ARAP2: variants seen among roughly 807,000 people sequenced by gnomAD.
ARAP2 encodes ArfGAP with RhoGAP domain, ankyrin repeat and PH domain 2, also known as arf-GAP with Rho-GAP domain, ANK repeat and PH domain-containing protein 2.
A neutral mutation model predicts 194.5 loss-of-function variants in ARAP2; 148 were observed. That is an observed-to-expected ratio of 0.76 (90% CI 0.67 to 0.87). The LOEUF is 0.87. ARAP2 is among the 40% of genes least tolerant of loss of function. ARAP2 has a pLI of 0.00. For missense variants in ARAP2, 2,128 were observed against 1,989.7 expected (o/e 1.07, Z -1.32); for synonymous variants, 695 against 683.5 (o/e 1.02, Z -0.26).
At chr4:36,232,479 C>T (rs1207057895) in intron 1 of ARAP2, among the ~76,000 whole-genome samples, 1 of 152,176 alleles carries the variant, frequency 6.6e-6, no homozygotes, top group Non-Finnish European at 1.5e-5. Context: ...TGTCAGACAC[C>T]ATGCTCATAT....
rs575278233 is a variant in ARAP2 at position 36,179,704 on chromosome 4, T to A, written c.1679-1699A>T. ...AGGAGGAAGAGAAAGCAGAGCCCAG[T>A]TTGGGAAATGGGACAGTTTCTCAGA... On this transcript the variant is annotated intron_variant, in intron 8 of 32. Transcript: ENST00000303965. Among the ~76,000 whole-genome samples, 32 of 152,260 alleles carry A rather than the reference T, an allele frequency of 2.1e-4. 2 individuals are homozygous for A. In the South Asian group the frequency reaches 6.6e-3, roughly 32 times the overall value.
At position 36,124,870 on chromosome 4, in the gene ARAP2, G is replaced by T; in HGVS notation, c.3738C>A (p.His1246Gln). 3 of 1,603,054 alleles carry T rather than the reference G, an allele frequency of 1.9e-6. No individual in the cohort carries two copies. The highest frequency in any genetic ancestry group is 2.6e-6 in the Non-Finnish European group (3 of 1,171,778). ...TTCATTCATCTACCCACCTATACAGGTGTTCAATGATAGCTGCTAGTGTTG... is the reference window on the plus strand; with the variant it reads ...TTCATTCATCTACCCACCTATACAGTTGTTCAATGATAGCTGCTAGTGTTG... ...NRATLAAIIE[H>Q]LYRVQKCSEI... Residue 1246 changes from histidine to glutamine, a missense_variant, in exon 22 of 33, where the codon CAC (histidine) becomes CAA (glutamine). Transcript: ENST00000303965.
At chr4:36,096,229 G>A (rs1715180180) in intron 27 of ARAP2, among the ~76,000 whole-genome samples, 2 of 151,800 alleles carry the variant, frequency 1.3e-5, no homozygotes, top group Non-Finnish European at 1.5e-5. Flanking sequence ...GCCAGGCGTG[G>A]TGGTGTGCCA....
intron 11 of ARAP2, 95 bp from the exon 12 acceptor site, chr4:36,161,645 G>A (rs1733983634): frequency 1.8e-5 from 17 of 955,774 alleles, no homozygotes; most frequent in Non-Finnish European, 2.3e-5. Context: ...GTGTATGTTC[G>A]TTGCGTATCT....
rs75664767 is a variant in ARAP2, at chr4:36,233,164, T to A, written c.-159-3519A>T. On this transcript the variant is annotated intron_variant, in intron 1 of 32. Transcript: ENST00000303965. The stretch of plus-strand genomic sequence containing the variant: ...CTGAACACCCAAGAGTGTTCACAGA[T>A]CCAATTCTTAGATGCTCTAGCCCCA... Among the ~76,000 whole-genome samples the A allele has an allele frequency of 6.5e-3, 995 of 152,300 alleles. 12 individuals are homozygous for A. The highest frequency in any genetic ancestry group is 0.023 in the African/African-American group (945 of 41,558).
At chr4:36,090,951 C>T (rs1490609314) in intron 28 of ARAP2, among the ~76,000 whole-genome samples, 1 of 152,086 alleles carries the variant, frequency 6.6e-6, no homozygotes, top group African/African-American at 2.4e-5. Context: ...TAACCTGTCG[C>T]AGTCTTATAA....
chr4:36,169,540 T>C (rs1158005729), intron 9 of ARAP2, among the ~76,000 whole-genome samples: 1 of 151,886 alleles, frequency 6.6e-6, no homozygotes, highest in Non-Finnish European at 1.5e-5. Context: ...GACTTTTTTT[T>C]TTTTTTTTTT....
intron 5 of ARAP2, among the ~76,000 whole-genome samples, chr4:36,023,456 A>C (rs1473789266): frequency 1.3e-5 from 2 of 151,926 alleles, no homozygotes; most frequent in Non-Finnish European, 2.9e-5. Flanking sequence ...TAATGCTCAG[A>C]CTCCCTTTCA....
At chr4:36,172,893 C>T (rs745603551) in intron 9 of ARAP2, among the ~76,000 whole-genome samples, 2 of 152,164 alleles carry the variant, frequency 1.3e-5, no homozygotes, top group African/African-American at 2.4e-5. Flanking sequence ...CCACCACCTC[C>T]ATCCTGCTGC....
chr4:36,130,116 C>T (rs1452777796), intron 20 of ARAP2, among the ~76,000 whole-genome samples: 1 of 151,916 alleles, frequency 6.6e-6, no homozygotes, highest in East Asian at 1.9e-4. Context: ...CCTTTCCATC[C>T]CATATGCTAT....
intron 9 of ARAP2, among the ~76,000 whole-genome samples, chr4:36,009,740 C>T (rs10010285): frequency 0.67 from 102,440 of 151,850 alleles, 34,731 homozygotes; most frequent in Admixed American, 0.77. Context: ...GGTACCTTCT[C>T]ATTTCACTGA....
At chr4:36,022,870 C>A (rs1717246413) in intron 5 of ARAP2, among the ~76,000 whole-genome samples, 1 of 152,090 alleles carries the variant, frequency 6.6e-6, no homozygotes, top group African/African-American at 2.4e-5. Context: ...AAACTTAGAA[C>A]CTGTGAGTTC....
chr4:36,228,246 G>A lies in ARAP2; in HGVS notation c.905+336C>T, dbSNP rs888598861. ...ACAAATCATCTATTGGGGAGAGAGA[G>A]TCAACATTTCAAATATGAGAACTGC... On this transcript the variant is annotated intron_variant, in intron 2 of 32. Coordinates refer to ENST00000303965, the MANE Select transcript of ARAP2 (RefSeq NM_015230.4). Among the ~76,000 whole-genome samples, 23 of 152,260 alleles carry A rather than the reference G, an allele frequency of 1.5e-4. No individual in the cohort carries two copies. In the East Asian group the frequency reaches 2.7e-3, roughly 18 times the overall value.
intron 8 of ARAP2, among the ~76,000 whole-genome samples, chr4:36,178,750 T>C (rs906061110): frequency 3.3e-5 from 5 of 152,192 alleles, no homozygotes; most frequent in Non-Finnish European, 5.9e-5. Context: ...TGAAATAATA[T>C]ATGAGTCAAT....
rs553174183 is a variant in ARAP2, at chr4:36,071,257, A to G, written c.4743+2432T>C. On this transcript the variant is annotated intron_variant, in intron 32 of 32. Coordinates refer to ENST00000303965, the MANE Select transcript of ARAP2 (RefSeq NM_015230.4). ...AATGTCACTTAATCACAACAGCACT[A>G]TAAGGTGGGGGCTTTTATTAATCCC... Among the ~76,000 whole-genome samples, 4 of 152,302 alleles carry G rather than the reference A, an allele frequency of 2.6e-5. No individual in the cohort carries two copies. The South Asian group carries it at 8.3e-4, about 32-fold the overall frequency.
intron 5 of ARAP2, among the ~76,000 whole-genome samples, chr4:36,044,600 A>C (rs1433851967): frequency 6.6e-6 from 1 of 152,184 alleles, no homozygotes; most frequent in East Asian, 1.9e-4. Context: ...GTAGAGGAAA[A>C]CATAGCAGAA....
At position 36,116,740 on chromosome 4, in the gene ARAP2, G is replaced by A. The variant is rs528127501; in HGVS notation, c.4038+321C>T. Among the ~76,000 whole-genome samples, 6 of 151,882 alleles carry A rather than the reference G, an allele frequency of 4.0e-5. No homozygotes were observed. The Middle Eastern group carries it at 0.014, about 344-fold the overall frequency. On this transcript the variant is annotated intron_variant, in intron 25 of 32. Transcript: ENST00000303965. Reference sequence around the variant, plus strand: ...ACTGTGATTTTTCCTAATTTTACAGGTGAGAAGACTGAGGCTCAGAGCAAA... The same window carrying A: ...ACTGTGATTTTTCCTAATTTTACAGATGAGAAGACTGAGGCTCAGAGCAAA...
downstream of ARAP2, among the ~76,000 whole-genome samples, chr4:36,062,188 G>A (rs1156501683): frequency 6.6e-6 from 1 of 152,132 alleles, no homozygotes; most frequent in Non-Finnish European, 1.5e-5. Flanking sequence ...GGTTGCCTGT[G>A]CTTATGGGGA....
rs779756163 is a variant in ARAP2, at chr4:36,187,878, T to C, written c.1558-307A>G. On this transcript the variant is annotated intron_variant, in intron 7 of 32. Transcript: ENST00000303965. ...CAGAGTTCCAAAAACCAGCAGCATG[T>C]TCTTTAAAACAATCTGCTCAAAATG... is the stretch of plus-strand genomic sequence containing the variant. Among the ~76,000 whole-genome samples, 147 of 152,204 alleles carry C rather than the reference T, an allele frequency of 9.7e-4. 2 individuals carry two copies. The highest frequency in any genetic ancestry group is 5.9e-4 in the Admixed American group (9 of 15,276).
Sources: allele counts gnomAD v4.1 joint callset (sites outside exome capture counted in the v4.1 genomes callset), GRCh38; gene constraint gnomAD v4.1.1; transcripts MANE v1.5; gene names NCBI Gene and HGNC (gene_info 2026-07-23, HGNC 2026-07-21).